The following YTHDC2 variants were observed in gnomAD, a reference collection of about 807,000 sequenced individuals.
The protein encoded by YTHDC2 is 3'-5' RNA helicase YTHDC2.
A neutral mutation model predicts 174.9 loss-of-function variants in YTHDC2; 45 were observed. The observed-to-expected ratio is 0.26, with a 90% CI of 0.20 to 0.33. The LOEUF is 0.33. Ranked by LOEUF, YTHDC2 falls within the 10% of genes least tolerant of loss-of-function variation. The probability of loss-of-function intolerance (pLI) is 1.00; values close to 1 mark genes in which losing one functional copy is unlikely to be tolerated. For missense variants in YTHDC2, 1,650 were observed against 1,723.7 expected (o/e 0.96, Z 0.76); for synonymous variants, 657 against 574.5 (o/e 1.14, Z -2.05).
intron 10 of YTHDC2, among the ~76,000 whole-genome samples, chr5:113,542,759 T>A (rs930780383): frequency 4.6e-5 from 7 of 152,216 alleles, no homozygotes; most frequent in Non-Finnish European, 8.8e-5. Context: ...ACATGACAAT[T>A]ATGTGCAAAA....
chr5:113,544,422 T>TA (rs1775709334), intron 10 of YTHDC2, among the ~76,000 whole-genome samples: 1 of 152,174 alleles, frequency 6.6e-6, no homozygotes, highest in Non-Finnish European at 1.5e-5. Context: ...GTGCTAGAAT[T>TA]ACAGGCATGA....
chr5:113,579,741 G>C, intron 24 of YTHDC2, 46 bp downstream of exon 24: 1 of 1,527,606 alleles, frequency 6.5e-7, no homozygotes, highest in Non-Finnish European at 8.8e-7. Context: ...CATTCAGTTA[G>C]TGTGAATTGA....
At chr5:113,542,608 T>A in intron 10 of YTHDC2, 105 bp downstream of exon 10, 3 of 1,023,954 alleles carry the variant, frequency 2.9e-6, no homozygotes, top group Non-Finnish European at 2.7e-6. Flanking sequence ...AACCAAAAAT[T>A]TTATTTTTTA....
chr5:113,541,869 G>T (rs919641291), intron 9 of YTHDC2, among the ~76,000 whole-genome samples: 2 of 151,908 alleles, frequency 1.3e-5, no homozygotes, highest in Admixed American at 6.6e-5. Context: ...ACTTATTTGG[G>T]TCATGGAACA....
chr5:113,537,008 C>T (rs1282087459), intron 7 of YTHDC2, among the ~76,000 whole-genome samples: 6 of 151,798 alleles, frequency 4.0e-5, no homozygotes, highest in Admixed American at 2.0e-4. Context: ...TTTATTTTAC[C>T]ATTTCTTTAT....
intron 1 of YTHDC2, chr5:113,514,342 C>T (rs1580456205): frequency 1.5e-6 from 1 of 669,244 alleles, no homozygotes; most frequent in East Asian, 2.9e-5. Flanking sequence ...TCCCCCGCGT[C>T]TTTCAGCAGC....
chr5:113,573,612 T>C (rs1485077757), intron 23 of YTHDC2, among the ~76,000 whole-genome samples: 1 of 152,222 alleles, frequency 6.6e-6, no homozygotes, highest in African/African-American at 2.4e-5. Context: ...CAGTCAGTTA[T>C]AGGTTCAGCC....
rs35806169 is a variant in YTHDC2 at position 113,554,742 on chromosome 5, T to TAA, written c.2133+731_2133+732dup. Reference sequence around the variant, plus strand: ...TTTCAAAAACAGCCAACCTTTGTTATAAAAAAAAAAAAGCCATTTATTTCC... The same window carrying TAA: ...TTTCAAAAACAGCCAACCTTTGTTATAAAAAAAAAAAAAAGCCATTTATTTCC... On this transcript the variant is annotated intron_variant, in intron 16 of 29. Transcript: ENST00000161863. Among the ~76,000 whole-genome samples the TAA allele has an allele frequency of 5.2e-3, 752 of 144,872 alleles. 3 individuals are homozygous for TAA. Among genetic ancestry groups the TAA allele is most frequent in the African/African-American group, 0.017 (695 of 40,310 alleles).
intron 26 of YTHDC2, among the ~76,000 whole-genome samples, chr5:113,585,895 A>G (rs970627605): frequency 1.3e-5 from 2 of 151,904 alleles, no homozygotes; most frequent in South Asian, 2.1e-4. Flanking sequence ...TCATCAGTTG[A>G]TGGACATTTG....
Position 113,571,144 on chromosome 5 carries a change from G to A in YTHDC2, c.3244+3295G>A, listed in dbSNP as rs557131958. Among the ~76,000 whole-genome samples, 9 of 152,306 alleles carry A rather than the reference G, an allele frequency of 5.9e-5. No homozygotes were observed. The South Asian group carries it at 1.9e-3, about 32-fold the overall frequency. On this transcript the variant is annotated intron_variant, in intron 23 of 29. Transcript: ENST00000161863. ...TCATAAATAGCTCTTATTATTTTGA[G>A]ATATGTTCCTTTACTACCTAGTTTA...
intron 2 of YTHDC2, among the ~76,000 whole-genome samples, chr5:113,521,591 C>T (rs1773861477): frequency 1.3e-5 from 2 of 151,792 alleles, no homozygotes; most frequent in East Asian, 1.9e-4. Flanking sequence ...ATTAGCCATG[C>T]ATGGTGGCGG....
intron 26 of YTHDC2, among the ~76,000 whole-genome samples, chr5:113,590,072 CAG>C (rs10545361): frequency 0.11 from 17,313 of 152,116 alleles, 1,107 homozygotes; most frequent in African/African-American, 0.14. Flanking sequence ...TCATTGCAAT[CAG>C]AGTCTCAAGA....
At chr5:113,530,850 A>T (rs1397108219) in intron 4 of YTHDC2, among the ~76,000 whole-genome samples, 2 of 152,150 alleles carry the variant, frequency 1.3e-5, no homozygotes, top group African/African-American at 4.8e-5. Context: ...TAAAAAAAAC[A>T]TTTCTTGCAA....
intron 25 of YTHDC2, 56 bp downstream of exon 25, chr5:113,581,765 A>T: frequency 7.4e-7 from 1 of 1,346,290 alleles, no homozygotes; most frequent in Non-Finnish European, 9.7e-7. Flanking sequence ...AAAATGAATT[A>T]TTTATCTTAG....
intron 12 of YTHDC2, among the ~76,000 whole-genome samples, chr5:113,549,855 T>A (rs1458055486): frequency 6.6e-6 from 1 of 151,948 alleles, no homozygotes; most frequent in East Asian, 1.9e-4. Flanking sequence ...TGTCTGCTTG[T>A]TCAAGAACAG....
chr5:113,519,344 G>T (rs537377098), intron 2 of YTHDC2, among the ~76,000 whole-genome samples: 3 of 151,992 alleles, frequency 2.0e-5, no homozygotes, highest in African/African-American at 7.3e-5. Flanking sequence ...AACTTTAAAG[G>T]TTGTGTTTAA....
In YTHDC2 at chr5:113,580,530, G is replaced by A. The variant is rs970141910; in HGVS notation, c.3354+835G>A. Among the ~76,000 whole-genome samples, 5 of 152,070 alleles carry A rather than the reference G, an allele frequency of 3.3e-5. No individual in the cohort carries two copies. The South Asian group carries it at 6.2e-4, about 19-fold the overall frequency. On this transcript the variant is annotated intron_variant, in intron 24 of 29. Transcript: ENST00000161863. ...CATTCTCTATACATTTTTGGGAGGCGTCAAGCTGTCAATAGTTAACACTGG... is the reference window on the plus strand; with the variant it reads ...CATTCTCTATACATTTTTGGGAGGCATCAAGCTGTCAATAGTTAACACTGG...
chr5:113,567,553 ACAT>A, intron 22 of YTHDC2, 98 bp from the exon 23 acceptor site: 1 of 1,059,690 alleles, frequency 9.4e-7, no homozygotes, highest in Non-Finnish European at 1.3e-6. Flanking sequence ...GTACTAATAT[ACAT>A]CATCTATTTC....
chr5:113,555,734 G>A (rs571756813), intron 16 of YTHDC2, among the ~76,000 whole-genome samples: 51 of 152,250 alleles, frequency 3.3e-4, no homozygotes, highest in African/African-American at 1.2e-3. Flanking sequence ...GAATAGATCC[G>A]TTCTCTCCAA....
Sources: allele counts gnomAD v4.1 joint callset (sites outside exome capture counted in the v4.1 genomes callset), GRCh38; gene constraint gnomAD v4.1.1; transcripts MANE v1.5; gene names NCBI Gene and HGNC (gene_info 2026-07-23, HGNC 2026-07-21).